Variants in LRRC71 observed in about 807,000 individuals in gnomAD.
The protein encoded by LRRC71 is leucine rich repeat containing 71.
In LRRC71, 54 loss-of-function variants were observed where a neutral mutation model predicts 66.6. The observed-to-expected ratio is 0.81, with a 90% CI of 0.65 to 1.02. LRRC71 has a LOEUF of 1.02. Ranked by LOEUF, LRRC71 falls within the 50% of genes least tolerant of loss-of-function variation. The pLI, the probability that LRRC71 is intolerant of heterozygous loss-of-function variation, is 0.00. For synonymous variants in LRRC71, 323 were observed against 303.9 expected (o/e 1.06, Z -0.65); for missense variants, 724 against 718.0 (o/e 1.01, Z -0.10).
At chr1:156,937,673 C>T (rs747747636), downstream of LRRC71, among the ~76,000 whole-genome samples, 4 of 152,186 alleles carry the variant, frequency 2.6e-5, no homozygotes, top group Admixed American at 1.3e-4. Context: ...GCCCTGCTCC[C>T]GAGACCTTCT....
chr1:156,927,358 C>G, intron 6 of LRRC71, 88 bp downstream of exon 6: 1 of 1,544,788 alleles, frequency 6.5e-7, no homozygotes, highest in Non-Finnish European at 8.9e-7. Context: ...TGTCCCCCTA[C>G]CATCTCGGCA....
downstream of LRRC71, among the ~76,000 whole-genome samples, chr1:156,936,497 A>AATATATATATATATAT (rs1553192804): frequency 3.8e-4 from 13 of 33,916 alleles, no homozygotes; most frequent in East Asian, 2.2e-3. Flanking sequence ...AAAAAAAAAA[A>AATATATATATATATAT]ATATATATAT....
chr1:156,933,449 C>G (rs530587187), downstream of LRRC71, among the ~76,000 whole-genome samples: 3 of 152,206 alleles, frequency 2.0e-5, no homozygotes, highest in South Asian at 4.1e-4. Context: ...GCTCCATGCC[C>G]GCTCCCTTCT....
At chr1:156,936,495 A>ATAT (rs1330599702), downstream of LRRC71, among the ~76,000 whole-genome samples, 1,074 of 56,680 alleles carry the variant, frequency 0.019, 2 homozygotes, top group Non-Finnish European at 0.025. Context: ...AAAAAAAAAA[A>ATAT]AAATATATAT....
At chr1:156,938,535 C>T in the LRRC71 span, 1 of 1,608,578 alleles carries the variant, frequency 6.2e-7, no homozygotes, top group Non-Finnish European at 8.5e-7. Flanking sequence ...CCACCACCAC[C>T]AGGAAGAGGA....
At chr1:156,925,461 C>T (rs1283294347) in intron 5 of LRRC71, among the ~76,000 whole-genome samples, 1 of 152,154 alleles carries the variant, frequency 6.6e-6, no homozygotes, top group African/African-American at 2.4e-5. Context: ...AGGACTGGTT[C>T]ATCAGAGGAG....
chr1:156,932,201 G>T, intron 13 of LRRC71, 174 bp downstream of exon 13: 1 of 676,416 alleles, frequency 1.5e-6, no homozygotes, highest in Non-Finnish European at 2.6e-6. Flanking sequence ...TGCTGAGTCT[G>T]GGAGGAGGCT....
At chr1:156,937,615 A>C, downstream of LRRC71, 1 of 1,110,356 alleles carries the variant, frequency 9.0e-7, no homozygotes, top group East Asian at 2.7e-5. Flanking sequence ...CTCTCCAGAC[A>C]AACTCAGAGA....
chr1:156,937,069 G>A, downstream of LRRC71: 1 of 1,585,180 alleles, frequency 6.3e-7, no homozygotes, highest in Non-Finnish European at 8.6e-7. Flanking sequence ...CTGGGGAAGG[G>A]GTCTGTGCTG....
chr1:156,924,652 T>C lies in LRRC71; in HGVS notation c.449T>C (p.Val150Ala). The stretch of plus-strand genomic sequence containing the variant: ...TCCTCTTGGCCCGCAGGTTGGAAGG[T>C]TGAGGAACGGATTCTGGGTGTCTTC... Reference protein sequence around the residue: ...VKEIYIRGWKVEERILGVFSK... With the variant: ...VKEIYIRGWKAEERILGVFSK... Residue 150 changes from valine to alanine, a missense_variant, in exon 4 of 15, where the codon GTT (valine) becomes GCT (alanine). By Grantham distance (64) the Val-to-Ala change is moderately conservative. Transcript: ENST00000337428. 1 of 1,531,512 alleles carries C rather than the reference T, an allele frequency of 6.5e-7. No individual in the cohort carries two copies. The highest frequency in any genetic ancestry group is 8.8e-7 in the Non-Finnish European group (1 of 1,135,578). 94.9% of individuals were successfully genotyped at this position (1,531,512 alleles called of 1,614,324 possible).
rs1336752530 is a variant in LRRC71, at chr1:156,928,354, T to TTCTTCTTCC, written c.996+359_996+367dup. Reference sequence around the variant, plus strand: ...CTTTTTTCTTTCTTCTTTCTTTCTCTTCTTCTTCCTCTTCTTCTTCTTCTT... The same window carrying TTCTTCTTCC: ...CTTTTTTCTTTCTTCTTTCTTTCTCTTCTTCTTCCTCTTCTTCCTCTTCTTCTTCTTCTT... On this transcript the variant is annotated intron_variant, in intron 9 of 14. Transcript: ENST00000337428. 3.4e-5 allele frequency among the ~76,000 whole-genome samples: 5 copies of TTCTTCTTCC among 148,256 alleles called. No homozygotes were observed. The South Asian group carries it at 6.5e-4, about 19-fold the overall frequency.
At chr1:156,923,222 C>T (rs1268971942) in intron 1 of LRRC71, among the ~76,000 whole-genome samples, 1 of 152,156 alleles carries the variant, frequency 6.6e-6, no homozygotes, top group Non-Finnish European at 1.5e-5. Context: ...CCAGGCTGTC[C>T]GGCACTTGGC....
chr1:156,936,887 G>A (rs376125447), downstream of LRRC71: 8 of 1,614,178 alleles, frequency 5.0e-6, no homozygotes, highest in Admixed American at 1.7e-5. Flanking sequence ...AGCGGGAGGT[G>A]AGAGGGAGCC....
intron 9 of LRRC71, among the ~76,000 whole-genome samples, chr1:156,928,441 TTCC>T (rs1362768295): frequency 0.013 from 814 of 64,764 alleles, 11 homozygotes; most frequent in Middle Eastern, 0.03. Context: ...CTTCTTCCTC[TTCC>T]TCCTCCTCTT....
chr1:156,925,032 G>A lies in LRRC71; in HGVS notation c.593+17G>A, dbSNP rs1193173948. 1 of 1,551,176 alleles carries A rather than the reference G, an allele frequency of 6.4e-7. No individual in the cohort carries two copies. The highest frequency in any genetic ancestry group is 8.7e-7 in the Non-Finnish European group (1 of 1,146,712). On this transcript the variant is annotated intron_variant, in intron 5 of 14. Transcript: ENST00000337428. ...CACGCTCAGGTCAGCAGACTGGGAGGCCCCCTGTGCCTGGGAAGCCTGGCT... is the reference window on the plus strand; with the variant it reads ...CACGCTCAGGTCAGCAGACTGGGAGACCCCCTGTGCCTGGGAAGCCTGGCT...
chr1:156,930,096 TCTC>T lies in LRRC71; in HGVS notation c.1240+368_1240+370del, dbSNP rs752557977. ...TCTTTCTTTTCTTTCTTTCTTTCTC[TCTC>T]TTTTTTTTTTTTTGATGGATTCTCA... On this transcript the variant is annotated intron_variant, in intron 11 of 14. Coordinates refer to ENST00000337428, the MANE Select transcript of LRRC71 (RefSeq NM_144702.3). 6.7e-3 allele frequency among the ~76,000 whole-genome samples: 424 copies of T among 63,280 alleles called. 3 individuals are homozygous for T. Among genetic ancestry groups the T allele is most frequent in the African/African-American group, 0.023 (388 of 16,716 alleles). 41.5% of individuals were successfully genotyped at this position (63,280 alleles called of 152,430 possible).
rs868749441 is a variant in LRRC71, at chr1:156,931,973, G to A, written c.1387G>A (p.Asp463Asn). Reference sequence around the variant, plus strand: ...TCTCCTGGAGCCTGTGGAGCACCGAGATGGGAAAGTTTTCATGCCTGGGAA... The same window carrying A: ...TCTCCTGGAGCCTGTGGAGCACCGAAATGGGAAAGTTTTCATGCCTGGGAA... Reference protein sequence around the residue: ...NPLLEPVEHRDGKVFMPGNKV... With the variant: ...NPLLEPVEHRNGKVFMPGNKV... The change falls in exon 13 of 15, where the codon GAT (aspartate) becomes AAT (asparagine). Residue 463 changes from aspartate (D) to asparagine (N), a missense_variant. By Grantham distance (23) the Asp-to-Asn change is conservative. Coordinates refer to ENST00000337428, the MANE Select transcript of LRRC71 (RefSeq NM_144702.3). 1 of 1,601,840 alleles carries A rather than the reference G, an allele frequency of 6.2e-7. No homozygotes were observed. The highest frequency in any genetic ancestry group is 8.5e-7 in the Non-Finnish European group (1 of 1,174,148).
At chr1:156,933,468 G>A (rs77947129), downstream of LRRC71, among the ~76,000 whole-genome samples, 212 of 152,336 alleles carry the variant, frequency 1.4e-3, no homozygotes, top group African/African-American at 5.0e-3. Context: ...CTGCTTCCCC[G>A]TCTGGCTGGC....
intron 9 of LRRC71, 28 bp downstream of exon 9, chr1:156,928,032 G>C (rs1360479529): frequency 6.4e-7 from 1 of 1,563,880 alleles, no homozygotes; most frequent in African/African-American, 1.4e-5. Flanking sequence ...CCCAGGACCA[G>C]CCGAGAGCCC....
Sources: gnomAD v4.1 joint callset for allele counts (sites outside exome capture counted in the v4.1 genomes callset) on GRCh38, gnomAD v4.1.1 for gene constraint, MANE v1.5 for transcripts, NCBI Gene and HGNC (gene_info 2026-07-23, HGNC 2026-07-21) for gene names.